Variants in CPEB1 observed in about 807,000 individuals in gnomAD.
CPEB1 encodes cytoplasmic polyadenylation element-binding protein 1.
In CPEB1, 7 loss-of-function variants were observed where a neutral mutation model predicts 65.8. The ratio of observed to expected loss-of-function variants is 0.11; its 90% CI spans 0.06 to 0.20. The LOEUF (loss-of-function observed/expected upper bound fraction) is 0.20, where lower values mean the gene tolerates loss of function less well. CPEB1 is among the 10% of genes least tolerant of loss of function. CPEB1 has a pLI of 1.00. For missense variants in CPEB1, 551 were observed against 712.2 expected, an observed-to-expected ratio of 0.77 and a Z score of 2.58; for synonymous variants, 262 against 260.0, an observed-to-expected ratio of 1.01 and a Z score of -0.08.
At chr15:82,554,465 G>C (rs1256174206) in intron 6 of CPEB1, among the ~76,000 whole-genome samples, 1 of 152,202 alleles carries the variant, frequency 6.6e-6, no homozygotes, top group Non-Finnish European at 1.5e-5. Flanking sequence ...CTGAACTCAT[G>C]AATCACAGAA....
chr15:82,624,628 T>A (rs1712456888), intron 3 of CPEB1, among the ~76,000 whole-genome samples: 1 of 152,148 alleles, frequency 6.6e-6, no homozygotes, highest in Non-Finnish European at 1.5e-5. Flanking sequence ...GACCCTGGCA[T>A]CTTACCAGTG....
At chr15:82,612,275 T>C (rs972746422) in intron 3 of CPEB1, among the ~76,000 whole-genome samples, 5 of 151,694 alleles carry the variant, frequency 3.3e-5, no homozygotes, top group Admixed American at 6.6e-5. Context: ...GGCGGGTGGA[T>C]TGCCTGAGGT....
intron 3 of CPEB1, among the ~76,000 whole-genome samples, chr15:82,582,553 A>G (rs1273040358): frequency 4.6e-5 from 7 of 152,110 alleles, no homozygotes; most frequent in Non-Finnish European, 8.8e-5. Context: ...TGTTGGTCTC[A>G]AATACAGGGA....
In CPEB1 at chr15:82,546,474, A is replaced by G; in HGVS notation, c.1623T>C (p.Ser541=). 1 of 1,614,090 alleles carries G rather than the reference A, an allele frequency of 6.2e-7. No individual in the cohort carries two copies. The highest frequency in any genetic ancestry group is 2.2e-5 in the East Asian group (1 of 44,880). ...YLEDSLCHIC[S]SQPGPFFCRD... is the part of the protein sequence containing the mutation. ...GACAGAAGAAAGGACCAGGCTGAGA[A>G]CTGCAGATATGACACAGAGAATCTT... Residue 541 remains serine (S), a synonymous_variant, in exon 12 of 13, where the codon AGT becomes AGC. Coordinates refer to ENST00000684509, the MANE Select transcript of CPEB1 (RefSeq NM_001365242.1).
intron 3 of CPEB1, among the ~76,000 whole-genome samples, chr15:82,607,598 A>AG (rs1373088949): frequency 2.0e-5 from 3 of 152,214 alleles, no homozygotes; most frequent in South Asian, 4.1e-4. Context: ...AAGGAAAAAA[A>AG]CAAAGACACA....
At chr15:82,560,534 C>A (rs1435404669) in intron 4 of CPEB1, among the ~76,000 whole-genome samples, 2 of 151,706 alleles carry the variant, frequency 1.3e-5, no homozygotes, top group African/African-American at 4.8e-5. Flanking sequence ...GGACTACAGG[C>A]ATGTGATATC....
chr15:82,556,890 C>T (rs1262098949), intron 5 of CPEB1, among the ~76,000 whole-genome samples: 1 of 152,170 alleles, frequency 6.6e-6, no homozygotes, highest in Non-Finnish European at 1.5e-5. Context: ...CTAGGACAGG[C>T]TGACAGGCGA....
At chr15:82,552,256 G>A (rs1403540669) in intron 9 of CPEB1, among the ~76,000 whole-genome samples, 1 of 151,578 alleles carries the variant, frequency 6.6e-6, no homozygotes, top group Non-Finnish European at 1.5e-5. Flanking sequence ...GGGCAGGCAT[G>A]CGCATGTGTG....
At chr15:82,570,720 A>C (rs2151047921) in intron 4 of CPEB1, among the ~76,000 whole-genome samples, 1 of 151,794 alleles carries the variant, frequency 6.6e-6, no homozygotes, top group East Asian at 1.9e-4. Flanking sequence ...CTCTCAACAC[A>C]AAGGGAAAAA....
At chr15:82,634,062 C>T (rs1260700180) in intron 1 of CPEB1, among the ~76,000 whole-genome samples, 2 of 151,900 alleles carry the variant, frequency 1.3e-5, no homozygotes, top group African/African-American at 2.4e-5. Context: ...CTTTTAGTGG[C>T]AGATGTCCAA....
intron 3 of CPEB1, among the ~76,000 whole-genome samples, chr15:82,589,738 G>T (rs1424778051): frequency 6.6e-6 from 1 of 151,718 alleles, no homozygotes; most frequent in Non-Finnish European, 1.5e-5. Context: ...AAAAAAAATT[G>T]TATTACAGTC....
At chr15:82,552,684 C>T in intron 8 of CPEB1, 68 bp from the exon 9 acceptor site, 1 of 1,535,756 alleles carries the variant, frequency 6.5e-7, no homozygotes, top group Non-Finnish European at 8.9e-7. Flanking sequence ...CTTGGCTTTG[C>T]AGCAGGGCGT....
intron 4 of CPEB1, among the ~76,000 whole-genome samples, chr15:82,565,409 A>G (rs1177322544): frequency 6.6e-6 from 1 of 152,244 alleles, no homozygotes; most frequent in Non-Finnish European, 1.5e-5. Flanking sequence ...GTTGCTGAGT[A>G]CGCAGCACCG....
chr15:82,579,723 T>C (rs1295290623), intron 3 of CPEB1, among the ~76,000 whole-genome samples: 18 of 140,272 alleles, frequency 1.3e-4, no homozygotes, highest in East Asian at 9.0e-4. Flanking sequence ...CCATCCTGGC[T>C]AACAAGGTGA....
At chr15:82,555,687 G>C (rs2037078437) in intron 6 of CPEB1, among the ~76,000 whole-genome samples, 183 bp downstream of exon 6, 1 of 152,234 alleles carries the variant, frequency 6.6e-6, no homozygotes, top group Non-Finnish European at 1.5e-5. Context: ...TCAGCCTCAA[G>C]AAGTTCCTGA....
At chr15:82,634,250 C>T (rs1009718916) in intron 1 of CPEB1, among the ~76,000 whole-genome samples, 4 of 151,550 alleles carry the variant, frequency 2.6e-5, no homozygotes, top group African/African-American at 9.7e-5. Context: ...AAATCTGAAC[C>T]ACACTTTGTA....
chr15:82,606,999 TGACAAGGAAATTAAAGA>T (rs1329137153), intron 3 of CPEB1, among the ~76,000 whole-genome samples: 8 of 150,190 alleles, frequency 5.3e-5, no homozygotes, highest in East Asian at 3.9e-4. Flanking sequence ...TATATAAGAA[TGACAAGGAAATTAAAGA>T]GACAAGGAAA....
chr15:82,550,541 TG>T (rs1298079964), intron 9 of CPEB1, among the ~76,000 whole-genome samples: 1 of 152,190 alleles, frequency 6.6e-6, no homozygotes, highest in Non-Finnish European at 1.5e-5. Flanking sequence ...TGGTAGGTGC[TG>T]GGCCTACACG....
At chr15:82,610,997 G>GA (rs1156567760) in intron 3 of CPEB1, among the ~76,000 whole-genome samples, 11 of 94,038 alleles carry the variant, frequency 1.2e-4, no homozygotes, top group South Asian at 3.5e-4. Flanking sequence ...AAGAAAAAAA[G>GA]AAAAAAAAAT....
Sources: allele counts gnomAD v4.1 joint callset (sites outside exome capture counted in the v4.1 genomes callset), GRCh38; gene constraint gnomAD v4.1.1; transcripts MANE v1.5; gene names NCBI Gene and HGNC (gene_info 2026-07-23, HGNC 2026-07-21).